The following TFPI variants were observed in gnomAD, a reference collection of about 807,000 sequenced individuals.
TFPI encodes anti-convertin.
Under a neutral mutation model 34.6 loss-of-function variants are expected in TFPI, and 15 were observed. That is an observed-to-expected ratio of 0.43 (90% CI 0.29 to 0.67). The LOEUF is 0.67. Among genes scored for constraint, TFPI ranks in the 30% least tolerant of loss-of-function variants. The pLI is 0.15. For missense variants in TFPI, 301 were observed against 364.0 expected (o/e 0.83, Z 1.41); for synonymous variants, 105 against 120.1 (o/e 0.87, Z 0.82).
At chr2:187,477,307 TTG>T (rs1316467266) in intron 6 of TFPI, among the ~76,000 whole-genome samples, 5 of 152,196 alleles carry the variant, frequency 3.3e-5, no homozygotes, top group Non-Finnish European at 7.3e-5. Flanking sequence ...GAAAGCCAAC[TTG>T]TCAGAAAATC....
chr2:187,474,140 A>G (rs1333832032), intron 6 of TFPI, among the ~76,000 whole-genome samples: 1 of 152,210 alleles, frequency 6.6e-6, no homozygotes, highest in Non-Finnish European at 1.5e-5. Context: ...TTCTAAGATA[A>G]TTATATCTTA....
chr2:187,502,114 G>A (rs886804095), intron 2 of TFPI, among the ~76,000 whole-genome samples: 7 of 152,112 alleles, frequency 4.6e-5, no homozygotes, highest in Admixed American at 6.6e-5. Flanking sequence ...AGATAAAACT[G>A]CAACTAGTTG....
chr2:187,552,376 A>T (rs1312223179), intron 1 of TFPI, among the ~76,000 whole-genome samples: 1 of 152,082 alleles, frequency 6.6e-6, no homozygotes, highest in East Asian at 1.9e-4. Context: ...ATGTAAACAA[A>T]AGATTTCTAA....
At chr2:187,509,321 T>G (rs1686454441) in intron 1 of TFPI, among the ~76,000 whole-genome samples, 1 of 152,176 alleles carries the variant, frequency 6.6e-6, no homozygotes, top group Non-Finnish European at 1.5e-5. Flanking sequence ...ATAAAATGAG[T>G]TAGGGAGGTG....
chr2:187,519,878 TAC>T (rs1687260305), intron 1 of TFPI: 1 of 152,238 alleles, frequency 6.6e-6, no homozygotes, highest in African/African-American at 2.4e-5. Flanking sequence ...GCAGTCTGTT[TAC>T]AGAGGCTTTG....
intron 1 of TFPI, among the ~76,000 whole-genome samples, chr2:187,539,679 AG>A (rs964096961): frequency 6.6e-6 from 1 of 152,202 alleles, no homozygotes; most frequent in Non-Finnish European, 1.5e-5. Flanking sequence ...ATAGAGAGCT[AG>A]AAAAAAAATT....
chr2:187,524,014 C>T (rs1021690282), intron 1 of TFPI, among the ~76,000 whole-genome samples: 1 of 152,024 alleles, frequency 6.6e-6, no homozygotes, highest in Non-Finnish European at 1.5e-5. Context: ...AATATCTGGC[C>T]TACTATGTCT....
At chr2:187,525,782 A>G (rs574596700) in intron 1 of TFPI, among the ~76,000 whole-genome samples, 63 of 152,228 alleles carry the variant, frequency 4.1e-4, no homozygotes, top group African/African-American at 1.5e-3. Flanking sequence ...GAAGAAACCA[A>G]TCTTACTGAT....
At chr2:187,474,800 T>G (rs1692268143) in intron 6 of TFPI, among the ~76,000 whole-genome samples, 1 of 152,172 alleles carries the variant, frequency 6.6e-6, no homozygotes, top group Non-Finnish European at 1.5e-5. Flanking sequence ...TTGTAATTTT[T>G]GTAAATTTTG....
intron 1 of TFPI, among the ~76,000 whole-genome samples, chr2:187,538,334 C>A (rs1310743494): frequency 1.3e-5 from 2 of 152,120 alleles, no homozygotes; most frequent in East Asian, 3.9e-4. Flanking sequence ...TGGAACCAAC[C>A]CAAATGCCTG....
At chr2:187,481,142 A>G (rs1213234738) in intron 6 of TFPI, among the ~76,000 whole-genome samples, 1 of 152,098 alleles carries the variant, frequency 6.6e-6, no homozygotes, top group Non-Finnish European at 1.5e-5. Flanking sequence ...TATTTAGTGG[A>G]AAGAATTTAA....
chr2:187,499,281 C>T (rs1365306626), intron 2 of TFPI, among the ~76,000 whole-genome samples: 4 of 151,826 alleles, frequency 2.6e-5, no homozygotes, highest in Non-Finnish European at 4.4e-5. Context: ...AAATTAGATA[C>T]ACAAGTACTT....
At chr2:187,522,891 AAAATAAATAAATAAAT>A (rs138871269) in intron 1 of TFPI, among the ~76,000 whole-genome samples, 82 of 142,590 alleles carry the variant, frequency 5.8e-4, no homozygotes, top group Non-Finnish European at 8.6e-4. Context: ...ACTGTGTCTC[AAAATAAATAAATAAAT>A]AAATAAATAA....
At chr2:187,504,860 T>C (rs576016000) in intron 1 of TFPI, among the ~76,000 whole-genome samples, 5 of 152,160 alleles carry the variant, frequency 3.3e-5, no homozygotes, top group East Asian at 3.9e-4. Context: ...ATATACACCA[T>C]TGTGGGTAGC....
chr2:187,467,936 A>C lies in TFPI; in HGVS notation c.629-4T>G, dbSNP rs1407404374. The C allele has an allele frequency of 6.4e-7, 1 of 1,564,850 alleles. No individual in the cohort carries two copies. Among genetic ancestry groups the C allele is most frequent in the Non-Finnish European group, 8.6e-7 (1 of 1,157,808 alleles). ...CACCATGAGGGACCGTGAAATTCTA[A>C]AAACAATCAGGAAAACATGGTAAGC... On this transcript the variant is annotated splice_polypyrimidine_tract_variant and splice_region_variant and intron_variant, in intron 6 of 7. Transcript: ENST00000233156.
intron 6 of TFPI, among the ~76,000 whole-genome samples, chr2:187,468,290 CAT>C (rs1491030376): frequency 4.7e-5 from 7 of 148,048 alleles, no homozygotes; most frequent in Non-Finnish European, 9.0e-5. Flanking sequence ...CACACACACA[CAT>C]CACACATATA....
At chr2:187,477,853 T>C (rs1189136944) in intron 6 of TFPI, among the ~76,000 whole-genome samples, 1 of 152,250 alleles carries the variant, frequency 6.6e-6, no homozygotes, top group African/African-American at 2.4e-5. Context: ...TTGAATACAT[T>C]CAGGAGAGGG....
chr2:187,553,857 G>A (rs891768071), intron 1 of TFPI, among the ~76,000 whole-genome samples: 1 of 152,052 alleles, frequency 6.6e-6, no homozygotes, highest in African/African-American at 2.4e-5. Context: ...GAACTTTCAA[G>A]AACTTCCAAT....
intron 1 of TFPI, among the ~76,000 whole-genome samples, chr2:187,548,642 T>A (rs1688983143): frequency 6.6e-6 from 1 of 152,082 alleles, no homozygotes; most frequent in African/African-American, 2.4e-5. Flanking sequence ...TAATATCGAA[T>A]GCAGGTAAGT....
Sources: gnomAD v4.1 joint callset for allele counts (sites outside exome capture counted in the v4.1 genomes callset) on GRCh38, gnomAD v4.1.1 for gene constraint, MANE v1.5 for transcripts, NCBI Gene and HGNC (gene_info 2026-07-23, HGNC 2026-07-21) for gene names.